MTUS1: variants seen among roughly 807,000 people sequenced by gnomAD.
The protein encoded by MTUS1 is microtubule-associated tumor suppressor 1.
In MTUS1, 109 loss-of-function variants were observed where a neutral mutation model predicts 120.8. The observed-to-expected ratio is 0.90, with a 90% CI of 0.77 to 1.06. The LOEUF (loss-of-function observed/expected upper bound fraction) is 1.06. Ranked by LOEUF, MTUS1 falls within the 50% of genes least tolerant of loss-of-function variation. MTUS1 has a pLI of 0.00. For missense variants in MTUS1, 2,210 were observed against 1,486.3 expected, an observed-to-expected ratio of 1.49 and a Z score of -8.01; for synonymous variants, 737 against 550.5, an observed-to-expected ratio of 1.34 and a Z score of -4.74.
intron 8 of MTUS1, among the ~76,000 whole-genome samples, chr8:17,674,217 G>A (rs28660237): frequency 6.6e-6 from 1 of 151,686 alleles, no homozygotes; most frequent in South Asian, 2.1e-4. Context: ...GTCAAGAGAT[G>A]GAGACCCTCC....
chr8:17,768,265 A>C (rs1254858550), intron 1 of MTUS1, among the ~76,000 whole-genome samples: 1 of 152,158 alleles, frequency 6.6e-6, no homozygotes, highest in Non-Finnish European at 1.5e-5. Context: ...CAAATAAACT[A>C]ATATGTGAGC....
At chr8:17,682,230 C>T (rs1344002267) in intron 7 of MTUS1, among the ~76,000 whole-genome samples, 1 of 151,988 alleles carries the variant, frequency 6.6e-6, no homozygotes, top group Non-Finnish European at 1.5e-5. Flanking sequence ...AAGGTGCTAT[C>T]ACAGGTTGGG....
chr8:17,654,466 G>T, intron 10 of MTUS1, 95 bp downstream of exon 10: 1 of 918,904 alleles, frequency 1.1e-6, no homozygotes, highest in Non-Finnish European at 1.7e-6. Flanking sequence ...CAGGGCATTC[G>T]CTGAAGCAGG....
chr8:17,797,948 C>T (rs117539438), intron 1 of MTUS1, among the ~76,000 whole-genome samples: 1,729 of 152,194 alleles, frequency 0.011, 22 homozygotes, highest in Non-Finnish European at 0.019. Context: ...CAAATAAATA[C>T]TTTGCTGAGT....
intron 1 of MTUS1, among the ~76,000 whole-genome samples, chr8:17,777,297 A>C (rs1195741799): frequency 6.6e-6 from 1 of 151,950 alleles, no homozygotes; most frequent in Non-Finnish European, 1.5e-5. Context: ...AAAATTAGCC[A>C]GACATGGTGG....
intron 1 of MTUS1, among the ~76,000 whole-genome samples, chr8:17,781,511 T>G (rs1242046781): frequency 6.6e-6 from 1 of 152,228 alleles, no homozygotes; most frequent in African/African-American, 2.4e-5. Flanking sequence ...TGATTAATAT[T>G]AAACACAAGA....
At chr8:17,705,754 G>C (rs1317484350) in intron 6 of MTUS1, 4 of 152,210 alleles carry the variant, frequency 2.6e-5, no homozygotes, top group African/African-American at 7.2e-5. Context: ...GTTCTCCTGT[G>C]ATGTCTTTAC....
At chr8:17,653,606 C>T (rs777581780) in intron 10 of MTUS1, 108 bp from the exon 11 acceptor site, 18 of 757,150 alleles carry the variant, frequency 2.4e-5, no homozygotes, top group Non-Finnish European at 3.4e-5. Context: ...AGCCGTATGA[C>T]GTTACTTTAC....
chr8:17,752,467 G>A (rs986746469), intron 2 of MTUS1, among the ~76,000 whole-genome samples: 1 of 152,178 alleles, frequency 6.6e-6, no homozygotes, highest in Admixed American at 6.5e-5. Flanking sequence ...TTGAAACAAC[G>A]GATGAACTCA....
intron 8 of MTUS1, chr8:17,674,806 G>T (rs765146756): frequency 1.9e-6 from 2 of 1,038,290 alleles, no homozygotes; most frequent in East Asian, 8.4e-5. Context: ...GAAGTACAAC[G>T]GATTTACTGT....
At chr8:17,744,761 G>C (rs1014785822) in intron 2 of MTUS1, among the ~76,000 whole-genome samples, 1 of 147,170 alleles carries the variant, frequency 6.8e-6, no homozygotes, top group African/African-American at 2.5e-5. Flanking sequence ...GGTCAGGCTG[G>C]TCTCAAACTC....
chr8:17,684,341 T>A lies in MTUS1; in HGVS notation c.2825A>T (p.His942Leu), dbSNP rs761481009. Residue 942 changes from histidine (H) to leucine (L), a missense_variant, in exon 7 of 15, where the codon CAC (histidine) becomes CTC (leucine). His to Leu is a moderately conservative substitution (Grantham distance 99). Transcript: ENST00000693296. Reference protein sequence around the residue: ...KFEALTVVIQHLLSEREEALK... With the variant: ...KFEALTVVIQLLLSEREEALK... ...GCACCTCCTTACCTCAGACAGCAGG[T>A]GCTGAATCACAACTGTCAATGCCTC... 2 of 1,613,902 alleles carry A rather than the reference T, an allele frequency of 1.2e-6. No individual in the cohort carries two copies. Among genetic ancestry groups the A allele is most frequent in the Admixed American group, 3.3e-5 (2 of 60,018 alleles).
intron 8 of MTUS1, among the ~76,000 whole-genome samples, chr8:17,672,923 C>T (rs1179884898): frequency 6.6e-6 from 1 of 152,202 alleles, no homozygotes; most frequent in Non-Finnish European, 1.5e-5. Context: ...TTGTGCTGTC[C>T]ACTAAAATGT....
intron 2 of MTUS1, among the ~76,000 whole-genome samples, chr8:17,750,449 G>T (rs1205196436): frequency 6.6e-6 from 1 of 152,162 alleles, no homozygotes; most frequent in Admixed American, 6.5e-5. Context: ...TTACAAAAGT[G>T]AATCTTCAGC....
At chr8:17,727,629 T>C (rs2046307593) in intron 3 of MTUS1, among the ~76,000 whole-genome samples, 1 of 152,240 alleles carries the variant, frequency 6.6e-6, no homozygotes, top group Non-Finnish European at 1.5e-5. Flanking sequence ...CGCTAAATTC[T>C]TAAACAGTGA....
chr8:17,670,134 A>G (rs1215702112), intron 8 of MTUS1, among the ~76,000 whole-genome samples: 4 of 152,168 alleles, frequency 2.6e-5, no homozygotes, highest in South Asian at 2.1e-4. Context: ...TAAGTGAATC[A>G]TATCGACCCT....
chr8:17,646,623 A>T (rs1366052053), intron 14 of MTUS1, among the ~76,000 whole-genome samples: 2 of 152,148 alleles, frequency 1.3e-5, no homozygotes, highest in African/African-American at 4.8e-5. Context: ...CTTTTTGGGC[A>T]ATTTCATAGT....
intron 5 of MTUS1, among the ~76,000 whole-genome samples, chr8:17,715,145 A>G (rs1822082018): frequency 6.6e-6 from 1 of 151,884 alleles, no homozygotes; most frequent in African/African-American, 2.4e-5. Flanking sequence ...ACCTCAAGCA[A>G]TCCACCTGTC....
At chr8:17,700,577 C>T (rs561720672) in intron 6 of MTUS1, among the ~76,000 whole-genome samples, 6 of 149,198 alleles carry the variant, frequency 4.0e-5, no homozygotes, top group Non-Finnish European at 8.9e-5. Flanking sequence ...CAACATTAAA[C>T]AAAAACGATT....
Sources: allele counts gnomAD v4.1 joint callset (sites outside exome capture counted in the v4.1 genomes callset), GRCh38; gene constraint gnomAD v4.1.1; transcripts MANE v1.5; gene names NCBI Gene and HGNC (gene_info 2026-07-23, HGNC 2026-07-21).